TP63: variants seen among roughly 807,000 people sequenced by gnomAD.
TP63 encodes the protein tumor protein p63.
TP63 carries 17 observed loss-of-function variants against 82.8 expected under a neutral mutation model. The ratio of observed to expected loss-of-function variants is 0.21; its 90% CI spans 0.14 to 0.31. TP63 has a LOEUF of 0.31. TP63 is among the 10% of genes least tolerant of loss of function. The probability of loss-of-function intolerance (pLI) is 1.00; values close to 1 mark genes in which losing one functional copy is unlikely to be tolerated. For missense variants in TP63, 648 were observed against 895.3 expected (o/e 0.72, Z 3.52); for synonymous variants, 330 against 321.7 (o/e 1.03, Z -0.28).
chr3:189,824,821 G>C (rs1008838718), intron 4 of TP63, among the ~76,000 whole-genome samples: 1 of 146,358 alleles, frequency 6.8e-6, no homozygotes, highest in Non-Finnish European at 1.5e-5. Flanking sequence ...CCCAGGCATC[G>C]GTTTTGTAGG....
intron 4 of TP63, among the ~76,000 whole-genome samples, chr3:189,823,245 A>C (rs1728980481): frequency 2.0e-5 from 3 of 152,188 alleles, no homozygotes; most frequent in Non-Finnish European, 2.9e-5. Flanking sequence ...GGTTCTATGT[A>C]GGAAACTACA....
intron 3 of TP63, among the ~76,000 whole-genome samples, chr3:189,783,645 A>G (rs1050078022): frequency 2.6e-5 from 4 of 151,978 alleles, no homozygotes; most frequent in African/African-American, 9.7e-5. Flanking sequence ...CTCCCTCAAC[A>G]GAGCAGGGAT....
intron 4 of TP63, among the ~76,000 whole-genome samples, chr3:189,854,687 G>C (rs956882769): frequency 6.6e-6 from 1 of 152,224 alleles, no homozygotes; most frequent in Non-Finnish European, 1.5e-5. Context: ...AATGAAAGCT[G>C]CAAACACTAG....
intron 4 of TP63, among the ~76,000 whole-genome samples, chr3:189,851,039 T>A (rs1399166454): frequency 1.3e-5 from 2 of 152,256 alleles, no homozygotes; most frequent in Non-Finnish European, 2.9e-5. Context: ...ATGTGGAGAA[T>A]CTTAGAAATA....
intron 1 of TP63, among the ~76,000 whole-genome samples, chr3:189,697,318 T>G (rs2108732946): frequency 6.6e-6 from 1 of 151,774 alleles, no homozygotes; most frequent in East Asian, 1.9e-4. Flanking sequence ...TCCATTGAAT[T>G]GCTTTTTCTT....
intron 4 of TP63, among the ~76,000 whole-genome samples, chr3:189,833,198 C>T (rs569979477): frequency 2.0e-5 from 3 of 152,174 alleles, no homozygotes; most frequent in Non-Finnish European, 4.4e-5. Flanking sequence ...TTTCCCTCTT[C>T]TATCTATGAC....
intron 11 of TP63, among the ~76,000 whole-genome samples, chr3:189,887,607 A>G (rs1427797298): frequency 6.6e-6 from 1 of 152,078 alleles, no homozygotes; most frequent in Non-Finnish European, 1.5e-5. Flanking sequence ...AACTTGAAGG[A>G]AAAAAAAGTC....
chr3:189,728,140 G>A (rs948487045), intron 1 of TP63, among the ~76,000 whole-genome samples: 2 of 150,502 alleles, frequency 1.3e-5, no homozygotes, highest in Admixed American at 1.3e-4. Context: ...CTTCCTGTGG[G>A]ATATGAGTAA....
At chr3:189,726,958 C>A (rs970713289) in intron 1 of TP63, among the ~76,000 whole-genome samples, 6 of 152,216 alleles carry the variant, frequency 3.9e-5, no homozygotes, top group Non-Finnish European at 5.9e-5. Context: ...CTGAATTCTG[C>A]TGTTGTAGCT....
Position 189,864,297 on chromosome 3 carries a change from G to T in TP63, c.645G>T (p.Val215=). 6.2e-7 allele frequency: 1 copy of T among 1,614,178 alleles called. No homozygotes were observed. Among genetic ancestry groups the T allele is most frequent in the South Asian group, 1.1e-5 (1 of 91,088 alleles). ...AGACATGCCCCATCCAGATCAAGGTGATGACCCCACCTCCTCAGGGAGCTG... is the reference window on the plus strand; with the variant it reads ...AGACATGCCCCATCCAGATCAAGGTTATGACCCCACCTCCTCAGGGAGCTG... ...IAKTCPIQIK[V]MTPPPQGAVI... Residue 215 remains valine, a synonymous_variant, in exon 5 of 14, where the codon GTG becomes GTT. Transcript: ENST00000264731.
intron 1 of TP63, among the ~76,000 whole-genome samples, chr3:189,709,463 C>T (rs897232179): frequency 6.6e-6 from 1 of 151,834 alleles, no homozygotes; most frequent in African/African-American, 2.4e-5. Context: ...AGTCTGAAAC[C>T]GAAGCATACT....
At chr3:189,615,251 G>A in the TP63 span, among the ~76,000 whole-genome samples, 1 of 152,256 alleles carries the variant, frequency 6.6e-6, no homozygotes, top group African/African-American at 2.4e-5. Context: ...TCAGTCTCTT[G>A]AATATTCCTG....
In TP63 at chr3:189,808,410, A is replaced by T. The variant is rs2108637961; in HGVS notation, c.463A>T (p.Thr155Ser). 1.9e-6 allele frequency: 3 copies of T among 1,614,106 alleles called. No homozygotes were observed. The highest frequency in any genetic ancestry group is 2.5e-6 in the Non-Finnish European group (3 of 1,180,020). The change falls in exon 4 of 14, where the codon ACC (threonine) becomes TCC (serine). Residue 155 changes from threonine (T) to serine (S), a missense_variant. Thr to Ser is a moderately conservative substitution (Grantham distance 58). Transcript: ENST00000264731. ...APSPYAQPSS[T>S]FDALSPSPAI... ...CTCGCCCTACGCACAGCCCAGCTCCACCTTCGATGCTCTCTCTCCATCACC... is the reference window on the plus strand; with the variant it reads ...CTCGCCCTACGCACAGCCCAGCTCCTCCTTCGATGCTCTCTCTCCATCACC...
chr3:189,641,767 A>G (rs993705756), intron 1 of TP63, among the ~76,000 whole-genome samples: 5 of 152,172 alleles, frequency 3.3e-5, no homozygotes, highest in African/African-American at 1.2e-4. Flanking sequence ...GGGATAGTTC[A>G]ATGGTCCAAA....
chr3:189,631,389 C>G lies in TP63; in HGVS notation c.-127C>G. The stretch of plus-strand genomic sequence containing the variant: ...ATGAAGGAGAGAAGTGCCTAAACTT[C>G]TATGTCTGATAGCATTTGACCCTAT... On this transcript the variant is annotated 5_prime_UTR_variant, in exon 1 of 14. Coordinates refer to ENST00000264731, the MANE Select transcript of TP63 (RefSeq NM_003722.5). The G allele has an allele frequency of 6.4e-7, 1 of 1,554,640 alleles. No homozygotes were observed. Among genetic ancestry groups the G allele is most frequent in the Non-Finnish European group, 8.7e-7 (1 of 1,151,580 alleles).
intron 10 of TP63, chr3:189,880,214 T>G (rs1353230660): frequency 6.2e-7 from 1 of 1,604,862 alleles, no homozygotes; most frequent in African/African-American, 1.3e-5. Flanking sequence ...GTGTGTTGTA[T>G]TTCCATGTGT....
At chr3:189,873,052 TCAG>T (rs1457897937) in intron 10 of TP63, 57 bp downstream of exon 10, 1 of 1,612,338 alleles carries the variant, frequency 6.2e-7, no homozygotes, top group Non-Finnish European at 8.5e-7. Flanking sequence ...TTTATTTGGA[TCAG>T]CAATAGGGTG....
the TP63 span, among the ~76,000 whole-genome samples, chr3:189,613,821 G>T: frequency 6.6e-6 from 1 of 152,280 alleles, no homozygotes; most frequent in Admixed American, 6.5e-5. Context: ...AAATTTGACT[G>T]CCCTGCTGGA....
At chr3:189,627,776 G>A (rs182082339), upstream of TP63, among the ~76,000 whole-genome samples, 91 of 152,230 alleles carry the variant, frequency 6.0e-4, 1 homozygote, top group South Asian at 4.6e-3. Flanking sequence ...AAGTTTTGGG[G>A]TAATAGGGTT....
Sources: gnomAD v4.1 joint callset for allele counts (sites outside exome capture counted in the v4.1 genomes callset) on GRCh38, gnomAD v4.1.1 for gene constraint, MANE v1.5 for transcripts, NCBI Gene and HGNC (gene_info 2026-07-23, HGNC 2026-07-21) for gene names.